Variants in SYT9 observed in about 807,000 individuals in gnomAD.
SYT9 encodes synaptotagmin 9.
A neutral mutation model predicts 48.4 loss-of-function variants in SYT9; 22 were observed. The ratio of observed to expected loss-of-function variants is 0.45; its 90% CI spans 0.32 to 0.65. The LOEUF is 0.65. Ranked by LOEUF, SYT9 falls within the 30% of genes least tolerant of loss-of-function variation. The probability of loss-of-function intolerance (pLI) is 0.03; values close to 1 mark genes in which losing one functional copy is unlikely to be tolerated. For missense variants in SYT9, 577 were observed against 622.0 expected (o/e 0.93, Z 0.77); for synonymous variants, 265 against 245.0 (o/e 1.08, Z -0.76).
chr11:7,448,460 G>A (rs772222344), intron 6 of SYT9, among the ~76,000 whole-genome samples: 4 of 152,236 alleles, frequency 2.6e-5, no homozygotes, highest in East Asian at 1.9e-4. Context: ...GCCTCAAGGC[G>A]GAACGGGGTA....
At chr11:7,249,088 G>A (rs1276433746), upstream of SYT9, among the ~76,000 whole-genome samples, 1 of 151,982 alleles carries the variant, frequency 6.6e-6, no homozygotes, top group Non-Finnish European at 1.5e-5. Context: ...ATTGGATCAG[G>A]GCTCTACCTT....
intron 3 of SYT9, among the ~76,000 whole-genome samples, chr11:7,324,630 A>G (rs562911320): frequency 6.6e-6 from 1 of 151,918 alleles, no homozygotes; most frequent in Non-Finnish European, 1.5e-5. Context: ...TCTAGCATCA[A>G]ATATGAGTTT....
intron 1 of SYT9, among the ~76,000 whole-genome samples, chr11:7,271,056 A>G (rs530870804): frequency 6.6e-6 from 1 of 152,090 alleles, no homozygotes; most frequent in East Asian, 1.9e-4. Flanking sequence ...AGTCACTATT[A>G]TTTGGCTGGT....
At chr11:7,254,072 T>C (rs758762959) in intron 1 of SYT9, among the ~76,000 whole-genome samples, 1 of 152,184 alleles carries the variant, frequency 6.6e-6, no homozygotes. Context: ...GGATCCTGTG[T>C]TCTCAGATTC....
chr11:7,423,198 C>G (rs1245758273), intron 6 of SYT9, among the ~76,000 whole-genome samples: 1 of 152,176 alleles, frequency 6.6e-6, no homozygotes, highest in Non-Finnish European at 1.5e-5. Flanking sequence ...TTCCCCGTTG[C>G]TTCCTGTCTC....
intron 3 of SYT9, among the ~76,000 whole-genome samples, chr11:7,350,030 CA>C (rs201780453): frequency 0.01 from 1,587 of 152,166 alleles, 20 homozygotes; most frequent in African/African-American, 0.035. Context: ...TCACTCATGC[CA>C]GGGGGGGACC....
intron 3 of SYT9, among the ~76,000 whole-genome samples, chr11:7,378,388 C>A (rs535833745): frequency 1.6e-4 from 24 of 152,158 alleles, no homozygotes; most frequent in Non-Finnish European, 3.4e-4. Context: ...ATAATCAGAT[C>A]TGTGTTTACA....
At chr11:7,251,504 T>A (rs1240191576), upstream of SYT9, among the ~76,000 whole-genome samples, 1 of 152,134 alleles carries the variant, frequency 6.6e-6, no homozygotes, top group Non-Finnish European at 1.5e-5. Context: ...CTGACACCCA[T>A]AGGCCCATGG....
At chr11:7,318,210 T>C (rs1849275225) in intron 3 of SYT9, among the ~76,000 whole-genome samples, 2 of 152,252 alleles carry the variant, frequency 1.3e-5, no homozygotes, top group Admixed American at 1.3e-4. Context: ...TTTTTGTTCT[T>C]TTAAATGTTA....
intron 3 of SYT9, among the ~76,000 whole-genome samples, chr11:7,401,223 T>A (rs1846886361): frequency 6.6e-6 from 1 of 151,920 alleles, no homozygotes; most frequent in African/African-American, 2.4e-5. Flanking sequence ...TTACCTTCAG[T>A]CTATGCGTGT....
At chr11:7,340,868 A>G (rs1256495705) in intron 3 of SYT9, among the ~76,000 whole-genome samples, 1 of 152,230 alleles carries the variant, frequency 6.6e-6, no homozygotes, top group African/African-American at 2.4e-5. Flanking sequence ...GAGATACAGG[A>G]TTAGGGAGCC....
At chr11:7,404,982 C>G (rs2346830) in intron 3 of SYT9, among the ~76,000 whole-genome samples, 28,603 of 151,600 alleles carry the variant, frequency 0.19, 3,936 homozygotes, top group African/African-American at 0.39. Context: ...TTTAGCCACA[C>G]AAAGCAGGGG....
chr11:7,454,423 C>G (rs185948848), intron 6 of SYT9: 1 of 483,892 alleles, frequency 2.1e-6, no homozygotes, highest in Admixed American at 6.4e-5. Flanking sequence ...CCTATCCCCA[C>G]ATCCTATCCC....
At chr11:7,385,997 T>A (rs905987761) in intron 3 of SYT9, among the ~76,000 whole-genome samples, 1 of 152,218 alleles carries the variant, frequency 6.6e-6, no homozygotes, top group Non-Finnish European at 1.5e-5. Flanking sequence ...CTCATAAACA[T>A]GGAGTATTGC....
At chr11:7,240,206 C>A (rs1273930893) in intron 1 of SYT9, among the ~76,000 whole-genome samples, 2 of 152,106 alleles carry the variant, frequency 1.3e-5, no homozygotes, top group Non-Finnish European at 2.9e-5. Flanking sequence ...GTTGTCCAGC[C>A]TCCCGAGTCC....
chr11:7,410,947 C>T (rs2134089275), intron 3 of SYT9, among the ~76,000 whole-genome samples: 2 of 152,266 alleles, frequency 1.3e-5, no homozygotes, highest in African/African-American at 4.8e-5. Context: ...CTCTGCCTCC[C>T]AGGTTCAAGT....
At chr11:7,246,482 T>C (rs1589883208) in intron 1 of SYT9, among the ~76,000 whole-genome samples, 1 of 152,338 alleles carries the variant, frequency 6.6e-6, no homozygotes, top group Non-Finnish European at 1.5e-5. Flanking sequence ...AGGTAACATA[T>C]TTCAGCTAAC....
chr11:7,345,189 G>C (rs1388044934), intron 3 of SYT9, among the ~76,000 whole-genome samples: 1 of 152,094 alleles, frequency 6.6e-6, no homozygotes, highest in Non-Finnish European at 1.5e-5. Context: ...ATTCTAGGGG[G>C]GATGGCCTCT....
At chr11:7,282,938 A>G (rs1564846521) in intron 1 of SYT9, among the ~76,000 whole-genome samples, 1 of 151,628 alleles carries the variant, frequency 6.6e-6, no homozygotes, top group Non-Finnish European at 1.5e-5. Context: ...ACACACACAC[A>G]CACACATTAC....
Sources: allele counts gnomAD v4.1 joint callset (sites outside exome capture counted in the v4.1 genomes callset), GRCh38; gene constraint gnomAD v4.1.1; transcripts MANE v1.5; gene names NCBI Gene and HGNC (gene_info 2026-07-23, HGNC 2026-07-21).